The following RASGEF1B variants were observed in gnomAD, a reference collection of about 807,000 sequenced individuals.
The protein encoded by RASGEF1B is ras-GEF domain-containing family member 1B.
RASGEF1B carries 30 observed loss-of-function variants against 65.7 expected under a neutral mutation model. The ratio of observed to expected loss-of-function variants is 0.46; its 90% CI spans 0.34 to 0.62. The LOEUF is 0.62. Among genes scored for constraint, RASGEF1B ranks in the 20% least tolerant of loss-of-function variants. The pLI is 0.01. For missense variants in RASGEF1B, 495 were observed against 580.1 expected (o/e 0.85, Z 1.51); for synonymous variants, 175 against 194.8 (o/e 0.90, Z 0.85).
At chr4:81,442,231 A>G (rs1721863927) in intron 9 of RASGEF1B, 66 bp downstream of exon 9, 1 of 1,034,306 alleles carries the variant, frequency 9.7e-7, no homozygotes, top group Non-Finnish European at 1.5e-6. Context: ...AGGCAAGACC[A>G]CATAAAGGAA....
chr4:81,443,801 C>T (rs1721928996), intron 8 of RASGEF1B, among the ~76,000 whole-genome samples: 2 of 152,142 alleles, frequency 1.3e-5, no homozygotes, highest in African/African-American at 4.8e-5. Flanking sequence ...TGTGTGCAAT[C>T]TCTGCATTGC....
chr4:81,435,774 C>CTTTTTT (rs34304493), intron 10 of RASGEF1B, among the ~76,000 whole-genome samples: 51 of 91,600 alleles, frequency 5.6e-4, no homozygotes, highest in African/African-American at 2.5e-3. Flanking sequence ...CGCGCCTGGC[C>CTTTTTT]TTTTTTTTTT....
chr4:81,428,926 G>A (rs1313455131), intron 13 of RASGEF1B, among the ~76,000 whole-genome samples: 2 of 152,212 alleles, frequency 1.3e-5, no homozygotes, highest in African/African-American at 2.4e-5. Context: ...ATAATAGCCT[G>A]TTTTATTTTG....
At chr4:81,456,587 C>T (rs1560707721) in intron 4 of RASGEF1B, 64 bp downstream of exon 4, 1 of 1,587,498 alleles carries the variant, frequency 6.3e-7, no homozygotes, top group Admixed American at 1.7e-5. Flanking sequence ...CATAATTCGG[C>T]ACCATTTCCC....
chr4:81,441,692 C>T (rs951833263), intron 9 of RASGEF1B, among the ~76,000 whole-genome samples: 1 of 151,976 alleles, frequency 6.6e-6, no homozygotes, highest in African/African-American at 2.4e-5. Context: ...CAGGCACATG[C>T]CACCACACCT....
chr4:81,458,018 A>C (rs1416925200), intron 2 of RASGEF1B, among the ~76,000 whole-genome samples: 1 of 152,214 alleles, frequency 6.6e-6, no homozygotes, highest in Non-Finnish European at 1.5e-5. Context: ...AATATTTTGT[A>C]ACTCAGTGGA....
rs993010984 is a variant in RASGEF1B, at chr4:81,440,097, G to A, written c.1104+737C>T. 3.9e-5 allele frequency among the ~76,000 whole-genome samples: 6 copies of A among 152,074 alleles called. No individual in the cohort carries two copies. The East Asian group carries it at 5.8e-4, about 15-fold the overall frequency. ...TTAAAAGACAGATGGAATCTAAACCGAAAATAACCTCCATCAAGCAACCTT... is the reference window on the plus strand; with the variant it reads ...TTAAAAGACAGATGGAATCTAAACCAAAAATAACCTCCATCAAGCAACCTT... On this transcript the variant is annotated intron_variant, in intron 10 of 13. Transcript: ENST00000264400.
At chr4:81,448,416 G>C (rs923355864) in intron 4 of RASGEF1B, 132 bp from the exon 5 acceptor site, 3 of 732,430 alleles carry the variant, frequency 4.1e-6, no homozygotes, top group African/African-American at 3.5e-5. Flanking sequence ...GCAGTTACGG[G>C]AAGATTCAGC....
chr4:81,442,291 A>G lies in RASGEF1B; in HGVS notation c.1008+6T>C. 9.4e-6 allele frequency: 15 copies of G among 1,598,852 alleles called. No individual in the cohort carries two copies. Among genetic ancestry groups the G allele is most frequent in the Non-Finnish European group, 1.2e-5 (14 of 1,166,166 alleles). On this transcript the variant is annotated splice_donor_region_variant and intron_variant, in intron 9 of 13. Coordinates refer to ENST00000264400, the MANE Select transcript of RASGEF1B (RefSeq NM_152545.3). ...TACTTAACAGCAAAACATCAGCTTC[A>G]CATACCTCAAGAATGTCAAATTTTG...
intron 8 of RASGEF1B, among the ~76,000 whole-genome samples, chr4:81,443,089 CCA>C (rs1191929008): frequency 5.9e-5 from 9 of 152,206 alleles, no homozygotes; most frequent in Non-Finnish European, 1.3e-4. Flanking sequence ...GGAGCTAACA[CCA>C]TAACCCACAC....
In RASGEF1B at chr4:81,448,117, G is replaced by C. The variant is rs923272728; in HGVS notation, c.606C>G (p.Val202=). The C allele has an allele frequency of 5.6e-6, 9 of 1,614,066 alleles. No homozygotes were observed. The highest frequency in any genetic ancestry group is 7.6e-6 in the Non-Finnish European group (9 of 1,180,036). Residue 202 remains valine (V), a synonymous_variant, in exon 5 of 14, where the codon GTC becomes GTG. Coordinates refer to ENST00000264400, the MANE Select transcript of RASGEF1B (RefSeq NM_152545.3). ...GGGCCAACGTGTAAGGGTCGTTGCA[G>C]ACAGTAATGATATCCCTTTGTATAG... ...PQSIQRDIIT[V]CNDPYTLAQQ...
At chr4:81,435,770 T>C (rs539445768) in intron 10 of RASGEF1B, among the ~76,000 whole-genome samples, 35 of 127,164 alleles carry the variant, frequency 2.8e-4, no homozygotes, top group South Asian at 5.2e-4. Context: ...CCAACGCGCC[T>C]GGCCTTTTTT....
Position 81,457,631 on chromosome 4 carries a change from C to A in RASGEF1B, c.178-10G>T, listed in dbSNP as rs560613582. 53 of 1,610,644 alleles carry A rather than the reference C, an allele frequency of 3.3e-5. 1 individual carries two copies. Among genetic ancestry groups the A allele is most frequent in the Non-Finnish European group, 4.2e-5 (49 of 1,179,042 alleles). On this transcript the variant is annotated splice_polypyrimidine_tract_variant and intron_variant, in intron 2 of 13. Coordinates refer to ENST00000264400, the MANE Select transcript of RASGEF1B (RefSeq NM_152545.3). ...TAAATATGTATGTTCTCTGCAGCAA[C>A]AGAAAAAAGTCATCATCGTTACATT...
At chr4:81,429,030 TAGAG>T (rs1721326041) in intron 13 of RASGEF1B, among the ~76,000 whole-genome samples, 1 of 152,240 alleles carries the variant, frequency 6.6e-6, no homozygotes, top group Non-Finnish European at 1.5e-5. Flanking sequence ...TGACGAGTAA[TAGAG>T]AGCAAGACAC....
intron 5 of RASGEF1B, 66 bp downstream of exon 5, chr4:81,448,003 T>C (rs1368637064): frequency 2.3e-6 from 3 of 1,329,118 alleles, no homozygotes; most frequent in South Asian, 2.4e-5. Flanking sequence ...CTGACAAATA[T>C]ATCGTCTGGT....
At chr4:81,456,912 T>C in intron 3 of RASGEF1B, 124 bp from the exon 4 acceptor site, 1 of 828,986 alleles carries the variant, frequency 1.2e-6, no homozygotes, top group Non-Finnish European at 1.9e-6. Flanking sequence ...AAGAAGAAGC[T>C]CCAGCCCCCC....
Position 81,427,419 on chromosome 4 carries a change from TA to T in RASGEF1B, c.*348del. On this transcript the variant is annotated 3_prime_UTR_variant, in exon 14 of 14. Coordinates refer to ENST00000264400, the MANE Select transcript of RASGEF1B (RefSeq NM_152545.3). Reference sequence around the variant, plus strand: ...ATTAGCAGCAAATGTTCAACCAAATTAAAAAAAACACACACACACAAAAGAA... The same window carrying T: ...ATTAGCAGCAAATGTTCAACCAAATTAAAAAAACACACACACACAAAAGAA... The T allele has an allele frequency of 4.0e-5, 10 of 250,464 alleles. No homozygotes were observed. Among genetic ancestry groups the T allele is most frequent in the East Asian group, 1.5e-4 (2 of 13,282 alleles). 15.5% of individuals were successfully genotyped at this position (250,464 alleles called of 1,614,324 possible).
intron 3 of RASGEF1B, 24 bp from the exon 4 acceptor site, chr4:81,456,812 T>G: frequency 1.3e-6 from 2 of 1,577,110 alleles, no homozygotes; most frequent in Non-Finnish European, 1.7e-6. Context: ...GCAAATCTAA[T>G]TCAGTGATAT....
In RASGEF1B at chr4:81,447,985, C is replaced by T. The variant is rs145582085; in HGVS notation, c.654+84G>A. 5,334 of 1,125,190 alleles carry T rather than the reference C, an allele frequency of 4.7e-3. 28 individuals are homozygous for T. Among genetic ancestry groups the T allele is most frequent in the Non-Finnish European group, 6.3e-3 (4,720 of 743,744 alleles). The allele number at this position is 1,125,190 out of a possible 1,614,324, so 69.7% of individuals were successfully genotyped here. A position where few individuals can be genotyped will look rare whatever the true frequency, so the allele number is the denominator to read the frequency against. On this transcript the variant is annotated intron_variant, in intron 5 of 13. Coordinates refer to ENST00000264400, the MANE Select transcript of RASGEF1B (RefSeq NM_152545.3). ...TGGATTATTCTGACCTCTCCTGTGA[C>T]ATTACCGCTGACAAATATATCGTCT...
Sources: gnomAD v4.1 joint callset for allele counts (sites outside exome capture counted in the v4.1 genomes callset) on GRCh38, gnomAD v4.1.1 for gene constraint, MANE v1.5 for transcripts, NCBI Gene and HGNC (gene_info 2026-07-23, HGNC 2026-07-21) for gene names.